RPTOR: variants seen among roughly 807,000 people sequenced by gnomAD.
RPTOR encodes regulatory associated protein of MTOR complex 1.
Under a neutral mutation model 169.9 loss-of-function variants are expected in RPTOR, and 21 were observed. The ratio of observed to expected loss-of-function variants is 0.12; its 90% CI spans 0.09 to 0.18. The LOEUF is 0.18. RPTOR is among the 10% of genes least tolerant of loss of function. RPTOR has a pLI of 1.00. For missense variants in RPTOR, 1,133 were observed against 1,855.9 expected (o/e 0.61, Z 7.16); for synonymous variants, 732 against 753.2 (o/e 0.97, Z 0.46).
At chr17:80,786,510 C>G (rs936109264) in intron 6 of RPTOR, among the ~76,000 whole-genome samples, 1 of 152,184 alleles carries the variant, frequency 6.6e-6, no homozygotes, top group Admixed American at 6.5e-5. Context: ...AGCAAAGAAC[C>G]ATTCTTGAAT....
At chr17:80,698,266 C>T (rs936953685) in intron 3 of RPTOR, among the ~76,000 whole-genome samples, 1 of 152,162 alleles carries the variant, frequency 6.6e-6, no homozygotes, top group African/African-American at 2.4e-5. Flanking sequence ...TGCGGGCGCA[C>T]CAGGCACTGG....
chr17:80,598,560 C>G (rs2065160613), intron 1 of RPTOR, among the ~76,000 whole-genome samples: 1 of 152,200 alleles, frequency 6.6e-6, no homozygotes, highest in Non-Finnish European at 1.5e-5. Context: ...GGAACGTTCG[C>G]ATTTGCAGAT....
intron 21 of RPTOR, among the ~76,000 whole-genome samples, chr17:80,910,543 G>A (rs1296361629): frequency 6.6e-5 from 10 of 152,264 alleles, no homozygotes; most frequent in Admixed American, 1.3e-4. Context: ...ACCTCGTCAC[G>A]GCTATGGCGT....
chr17:80,897,340 G>A (rs544355983), intron 20 of RPTOR, among the ~76,000 whole-genome samples: 1 of 152,058 alleles, frequency 6.6e-6, no homozygotes, highest in East Asian at 1.9e-4. Context: ...TACGACATTT[G>A]CTGTAGATTT....
At chr17:80,592,348 T>C (rs2065113736) in intron 1 of RPTOR, among the ~76,000 whole-genome samples, 1 of 152,046 alleles carries the variant, frequency 6.6e-6, no homozygotes, top group Non-Finnish European at 1.5e-5. Context: ...TGCTTTATAT[T>C]TAAGAGACTA....
At chr17:80,709,033 C>T (rs778421366) in intron 4 of RPTOR, 178 of 985,344 alleles carry the variant, frequency 1.8e-4, no homozygotes, top group Non-Finnish European at 2.1e-4. Flanking sequence ...GGTGGTGAAG[C>T]AGTGTGGGCC....
intron 17 of RPTOR, among the ~76,000 whole-genome samples, chr17:80,890,873 G>A (rs1206234052): frequency 4.6e-5 from 7 of 152,134 alleles, no homozygotes; most frequent in South Asian, 2.1e-4. Context: ...CCTGGTGGGC[G>A]CCCATCCAGA....
At chr17:80,717,845 C>G (rs1486137063) in intron 4 of RPTOR, among the ~76,000 whole-genome samples, 1 of 152,226 alleles carries the variant, frequency 6.6e-6, no homozygotes, top group East Asian at 1.9e-4. Context: ...GCACCGCCCT[C>G]CCTTGCATTC....
intron 6 of RPTOR, 32 bp from the exon 7 acceptor site, chr17:80,791,418 C>T (rs775551931): frequency 2.5e-6 from 4 of 1,606,444 alleles, no homozygotes; most frequent in Admixed American, 1.7e-5. Flanking sequence ...CTGTTCCATT[C>T]ATGCCGTTCA....
At chr17:80,755,389 G>A (rs148429405) in intron 6 of RPTOR, among the ~76,000 whole-genome samples, 5 of 151,968 alleles carry the variant, frequency 3.3e-5, no homozygotes, top group Admixed American at 6.6e-5. Flanking sequence ...TCCCTTGAGC[G>A]CGGGAGTTTT....
rs973012609 is a variant in RPTOR, at chr17:80,659,161, C to T, written c.348+15351C>T. 6.6e-6 allele frequency among the ~76,000 whole-genome samples: 1 copy of T among 152,130 alleles called. No homozygotes were observed. Among genetic ancestry groups the T allele is most frequent in the African/African-American group, 2.4e-5 (1 of 41,410 alleles). On this transcript the variant is annotated intron_variant, in intron 3 of 33. Coordinates refer to ENST00000306801, the MANE Select transcript of RPTOR (RefSeq NM_020761.3). The surrounding 1 kb of genome is among the most constrained non-coding windows in gnomAD (Gnocchi z 4.3). ...GCAGGCTGGAGCCCATGAGTGGTCCCCGAGAGATTGCCTCCGAGCGCTGTT... is the reference window on the plus strand; with the variant it reads ...GCAGGCTGGAGCCCATGAGTGGTCCTCGAGAGATTGCCTCCGAGCGCTGTT...
intron 14 of RPTOR, among the ~76,000 whole-genome samples, chr17:80,883,105 G>C (rs577266848): frequency 6.6e-6 from 1 of 152,328 alleles, no homozygotes; most frequent in South Asian, 2.1e-4. Flanking sequence ...GTGAGGTCCG[G>C]GTGCTTCATA....
rs1466924353 is a variant in RPTOR at position 80,660,605 on chromosome 17, C to CTTTAT, written c.348+16795_348+16796insTTTAT. 2.6e-5 allele frequency among the ~76,000 whole-genome samples: 4 copies of CTTTAT among 152,286 alleles called. No homozygotes were observed. The East Asian group carries it at 7.7e-4, about 29-fold the overall frequency. On this transcript the variant is annotated intron_variant, in intron 3 of 33. Coordinates refer to ENST00000306801, the MANE Select transcript of RPTOR (RefSeq NM_020761.3). Reference sequence around the variant, plus strand: ...CAGAGCCCCATTCACCACCCATGATCACTCCCTGCCCCGTTTCCCATTTTC... The same window carrying CTTTAT: ...CAGAGCCCCATTCACCACCCATGATCTTTATACTCCCTGCCCCGTTTCCCATTTTC...
At chr17:80,710,571 A>ATGTG (rs59732457) in intron 4 of RPTOR, among the ~76,000 whole-genome samples, 25,375 of 144,674 alleles carry the variant, frequency 0.18, 2,518 homozygotes, top group Non-Finnish European at 0.23. Flanking sequence ...GGTTATTTGT[A>ATGTG]TGTGTGTGTG....
At position 80,700,712 on chromosome 17, in the gene RPTOR, G is replaced by A. The variant is rs893788957; in HGVS notation, c.349-7129G>A. ...GGTGATGGTGATGGTGGTGGTGATG[G>A]TGGTGGTGGTGGTGGTGATGATGGT... On this transcript the variant is annotated intron_variant, in intron 3 of 33. Coordinates refer to ENST00000306801, the MANE Select transcript of RPTOR (RefSeq NM_020761.3). 4.3e-3 allele frequency among the ~76,000 whole-genome samples: 18 copies of A among 4,180 alleles called. 1 individual carries two copies. Among genetic ancestry groups the A allele is most frequent in the East Asian group, 0.015 (2 of 134 alleles). 2.7% of individuals were successfully genotyped at this position (4,180 alleles called of 152,430 possible).
chr17:80,817,910 A>C (rs1018060803), intron 7 of RPTOR, among the ~76,000 whole-genome samples: 1 of 152,128 alleles, frequency 6.6e-6, no homozygotes, highest in Non-Finnish European at 1.5e-5. Flanking sequence ...GTTCTGCCAG[A>C]GTCTAGCAGG....
At chr17:80,773,464 C>T (rs1268197140) in intron 6 of RPTOR, among the ~76,000 whole-genome samples, 1 of 152,080 alleles carries the variant, frequency 6.6e-6, no homozygotes, top group Non-Finnish European at 1.5e-5. Flanking sequence ...GTCAGTTTTT[C>T]TTCTTCTTTC....
At chr17:80,550,118 C>T (rs144214484) in intron 1 of RPTOR, among the ~76,000 whole-genome samples, 118 of 152,256 alleles carry the variant, frequency 7.8e-4, no homozygotes, top group African/African-American at 2.5e-3. Flanking sequence ...TCTACACTAC[C>T]CCCTCTGCTT....
At chr17:80,859,583 C>T (rs565892538) in intron 13 of RPTOR, among the ~76,000 whole-genome samples, 13 of 152,266 alleles carry the variant, frequency 8.5e-5, no homozygotes, top group African/African-American at 2.6e-4. Flanking sequence ...GAGAGCGGGA[C>T]GGAGGAGCCG....
Sources: allele counts gnomAD v4.1 joint callset (sites outside exome capture counted in the v4.1 genomes callset), GRCh38; gene constraint gnomAD v4.1.1; non-coding constraint Gnocchi (gnomAD v3.1); transcripts MANE v1.5; gene names NCBI Gene and HGNC (gene_info 2026-07-23, HGNC 2026-07-21).